Variants in MARCHF1 observed in about 807,000 individuals in gnomAD.
MARCHF1 encodes E3 ubiquitin-protein ligase MARCHF1.
Under a neutral mutation model 54.2 loss-of-function variants are expected in MARCHF1, and 40 were observed. The observed-to-expected ratio is 0.74, with a 90% confidence interval of 0.57 to 0.96. The LOEUF is 0.96. Among genes scored for constraint, MARCHF1 ranks in the 40% least tolerant of loss-of-function variants. MARCHF1 has a pLI of 0.00. For missense variants in MARCHF1, 586 were observed against 656.5 expected, an observed-to-expected ratio of 0.89 and a Z score of 1.17; for synonymous variants, 236 against 236.3, an observed-to-expected ratio of 1.00 and a Z score of 0.01.
chr4:164,265,886 C>T (rs1199425874), intron 1 of MARCHF1, among the ~76,000 whole-genome samples: 2 of 152,168 alleles, frequency 1.3e-5, no homozygotes, highest in African/African-American at 4.8e-5. Flanking sequence ...TGCCTCCCTT[C>T]TCCAACCAAA....
At chr4:163,606,929 T>C (rs1579106589) in intron 7 of MARCHF1, among the ~76,000 whole-genome samples, 1 of 152,136 alleles carries the variant, frequency 6.6e-6, no homozygotes, top group East Asian at 1.9e-4. Context: ...TTCCCTGGGA[T>C]TTCATGTATA....
intron 1 of MARCHF1, among the ~76,000 whole-genome samples, chr4:164,350,355 G>T (rs6536810): frequency 0.43 from 65,129 of 151,932 alleles, 14,773 homozygotes; most frequent in Non-Finnish European, 0.5. Flanking sequence ...GGGAAGGGTT[G>T]GGGGGAAGGG....
Position 163,598,910 on chromosome 4 carries a change from G to A in MARCHF1, c.1011-12981C>T, listed in dbSNP as rs116258205. Among the ~76,000 whole-genome samples, 310 of 151,954 alleles carry A rather than the reference G, an allele frequency of 2.0e-3. 3 individuals are homozygous for A. Among genetic ancestry groups the A allele is most frequent in the African/African-American group, 7.0e-3 (288 of 41,438 alleles). On this transcript the variant is annotated intron_variant, in intron 7 of 9. Coordinates refer to ENST00000514618, the MANE Select transcript of MARCHF1 (RefSeq NM_001394959.1). Reference sequence around the variant, plus strand: ...TTTTAAACTTTTCGACTCTTTTGTCGTAACAGCTTAAAACAGAAATAAATT... The same window carrying A: ...TTTTAAACTTTTCGACTCTTTTGTCATAACAGCTTAAAACAGAAATAAATT...
intron 2 of MARCHF1, among the ~76,000 whole-genome samples, chr4:164,077,468 G>A (rs1755004843): frequency 6.6e-6 from 1 of 152,088 alleles, no homozygotes; most frequent in Non-Finnish European, 1.5e-5. Flanking sequence ...ACATAGGCAT[G>A]GGCAAAGACT....
intron 2 of MARCHF1, among the ~76,000 whole-genome samples, chr4:164,053,354 G>T (rs1754414800): frequency 6.6e-6 from 1 of 151,718 alleles, no homozygotes; most frequent in African/African-American, 2.4e-5. Flanking sequence ...CCCAAACATA[G>T]GAATTGAGAA....
At chr4:163,548,955 T>C (rs2110930706) in intron 8 of MARCHF1, among the ~76,000 whole-genome samples, 1 of 152,342 alleles carries the variant, frequency 6.6e-6, no homozygotes, top group Admixed American at 6.5e-5. Context: ...AGTGATAATC[T>C]GTGAAACTTT....
chr4:163,923,832 A>G (rs1751482168), intron 3 of MARCHF1, among the ~76,000 whole-genome samples: 1 of 151,964 alleles, frequency 6.6e-6, no homozygotes, highest in South Asian at 2.1e-4. Context: ...CAATGCAGAC[A>G]TAAATACTGT....
intron 1 of MARCHF1, among the ~76,000 whole-genome samples, chr4:164,212,486 A>G (rs1404662976): frequency 6.6e-6 from 1 of 152,148 alleles, no homozygotes; most frequent in African/African-American, 2.4e-5. Context: ...AAAATTTTTT[A>G]AAGTATATTT....
chr4:163,677,277 C>T (rs191666889), intron 5 of MARCHF1, among the ~76,000 whole-genome samples: 7 of 152,110 alleles, frequency 4.6e-5, no homozygotes, highest in South Asian at 2.1e-4. Context: ...TAGCTTCCCC[C>T]GTTATCAGAA....
At chr4:164,074,666 A>G (rs1754939537) in intron 2 of MARCHF1, among the ~76,000 whole-genome samples, 2 of 152,154 alleles carry the variant, frequency 1.3e-5, no homozygotes, top group Admixed American at 6.5e-5. Flanking sequence ...GAGTATTTAT[A>G]GACATGGAAA....
At chr4:164,239,760 C>A (rs1732672403) in intron 1 of MARCHF1, among the ~76,000 whole-genome samples, 2 of 152,112 alleles carry the variant, frequency 1.3e-5, no homozygotes. Context: ...TGAACACTCA[C>A]AAAATAATTT....
intron 1 of MARCHF1, among the ~76,000 whole-genome samples, chr4:164,356,043 A>G (rs1286759006): frequency 3.7e-5 from 5 of 136,296 alleles, no homozygotes; most frequent in Admixed American, 3.6e-4. Flanking sequence ...CATCAGAGAA[A>G]TGCAAATCAA....
chr4:164,305,651 A>T (rs1734676629), intron 1 of MARCHF1, among the ~76,000 whole-genome samples: 1 of 152,212 alleles, frequency 6.6e-6, no homozygotes, highest in South Asian at 2.1e-4. Context: ...ACTGCATTTA[A>T]TATTTTTACT....
At chr4:163,813,152 T>C (rs1748441201) in intron 4 of MARCHF1, among the ~76,000 whole-genome samples, 2 of 148,596 alleles carry the variant, frequency 1.3e-5, no homozygotes, top group Non-Finnish European at 3.0e-5. Flanking sequence ...CTCATACACT[T>C]GCCACTGACA....
intron 4 of MARCHF1, among the ~76,000 whole-genome samples, chr4:163,719,060 T>C (rs1745355335): frequency 6.6e-6 from 1 of 152,206 alleles, no homozygotes. Flanking sequence ...CTTTAAGTTC[T>C]AGGGTACACG....
At chr4:163,793,839 T>C (rs957658084) in intron 4 of MARCHF1, among the ~76,000 whole-genome samples, 1 of 152,100 alleles carries the variant, frequency 6.6e-6, no homozygotes, top group Non-Finnish European at 1.5e-5. Flanking sequence ...GACCCTCTCA[T>C]GCAGACCCCC....
At chr4:164,291,179 T>C (rs1430471373) in intron 1 of MARCHF1, among the ~76,000 whole-genome samples, 1 of 151,974 alleles carries the variant, frequency 6.6e-6, no homozygotes, top group Non-Finnish European at 1.5e-5. Flanking sequence ...GGGTACAGTT[T>C]TTCTATCCTG....
intron 4 of MARCHF1, among the ~76,000 whole-genome samples, chr4:163,793,658 C>T (rs1322888251): frequency 6.6e-6 from 1 of 152,024 alleles, no homozygotes; most frequent in East Asian, 1.9e-4. Context: ...GGCGCCATAC[C>T]CTGGGCCTGG....
intron 2 of MARCHF1, among the ~76,000 whole-genome samples, chr4:164,073,648 A>G (rs1348976068): frequency 6.6e-6 from 1 of 152,170 alleles, no homozygotes; most frequent in Non-Finnish European, 1.5e-5. Flanking sequence ...AAAATAAATA[A>G]ATAAATAAAT....
Sources: allele counts gnomAD v4.1 joint callset (sites outside exome capture counted in the v4.1 genomes callset), GRCh38; gene constraint gnomAD v4.1.1; transcripts MANE v1.5; gene names NCBI Gene and HGNC (gene_info 2026-07-23, HGNC 2026-07-21).